BANK1: variants seen among roughly 807,000 people sequenced by gnomAD.
BANK1 encodes the protein B-cell scaffold protein with ankyrin repeats.
In BANK1, 95 loss-of-function variants were observed where a neutral mutation model predicts 94.5. The observed-to-expected ratio is 1.00, with a 90% confidence interval of 0.85 to 1.19. The LOEUF (loss-of-function observed/expected upper bound fraction) is 1.19, where lower values mean the gene tolerates loss of function less well. Among genes scored for constraint, BANK1 ranks in the 50% most tolerant of loss-of-function variants. The pLI is 0.00. For synonymous variants in BANK1, 334 were observed against 308.4 expected (o/e 1.08, Z -0.87); for missense variants, 987 against 932.2 (o/e 1.06, Z -0.77).
At chr4:101,965,221 T>C (rs986270851) in intron 7 of BANK1, among the ~76,000 whole-genome samples, 2 of 151,878 alleles carry the variant, frequency 1.3e-5, no homozygotes, top group Admixed American at 1.3e-4. Context: ...ATCTGCACTT[T>C]TACTCAAAAA....
chr4:102,042,604 T>C (rs1344680250), intron 10 of BANK1, among the ~76,000 whole-genome samples: 1 of 151,960 alleles, frequency 6.6e-6, no homozygotes, highest in East Asian at 1.9e-4. Flanking sequence ...ATGTCCTTGA[T>C]CTTATATTGG....
At chr4:102,069,690 TA>T (rs1433069455) in intron 13 of BANK1, among the ~76,000 whole-genome samples, 1 of 152,192 alleles carries the variant, frequency 6.6e-6, no homozygotes, top group Non-Finnish European at 1.5e-5. Context: ...TGGAAACAAT[TA>T]AACTGGGTTA....
rs567022422 is a variant in BANK1 at position 101,923,002 on chromosome 4, T to C, written c.1206+4813T>C. Among the ~76,000 whole-genome samples the C allele has an allele frequency of 3.3e-5, 5 of 151,968 alleles. No individual in the cohort carries two copies. In the East Asian group the frequency reaches 9.7e-4, roughly 30 times the overall value. The stretch of plus-strand genomic sequence containing the variant: ...TATTGTCAAATTTTCCATTTTCCTT[T>C]ACTCCTAGAGTCTTGGAATTCAGCC... On this transcript the variant is annotated intron_variant, in intron 7 of 16. Coordinates refer to ENST00000322953, the MANE Select transcript of BANK1 (RefSeq NM_017935.5).
chr4:101,807,122 A>G (rs956652584), intron 1 of BANK1, among the ~76,000 whole-genome samples: 1 of 152,220 alleles, frequency 6.6e-6, no homozygotes, highest in Non-Finnish European at 1.5e-5. Flanking sequence ...GGCAGTCATG[A>G]GTACAGTCCC....
At chr4:101,846,802 C>A (rs1331881425) in intron 2 of BANK1, among the ~76,000 whole-genome samples, 1 of 152,110 alleles carries the variant, frequency 6.6e-6, no homozygotes, top group East Asian at 1.9e-4. Context: ...GATTACAATT[C>A]GAGATGAGAT....
intron 11 of BANK1, among the ~76,000 whole-genome samples, chr4:102,055,594 A>C (rs1477969144): frequency 1.3e-5 from 2 of 152,098 alleles, no homozygotes; most frequent in Non-Finnish European, 2.9e-5. Flanking sequence ...AAACCTGAAA[A>C]CATCAACTAT....
At chr4:101,807,688 T>A (rs186432932) in intron 1 of BANK1, among the ~76,000 whole-genome samples, 6 of 152,270 alleles carry the variant, frequency 3.9e-5, no homozygotes, top group Non-Finnish European at 8.8e-5. Flanking sequence ...ACTGATTCCA[T>A]AGGTGGTGTT....
At chr4:101,824,322 G>T (rs1726284463) in intron 1 of BANK1, among the ~76,000 whole-genome samples, 1 of 152,186 alleles carries the variant, frequency 6.6e-6, no homozygotes, top group South Asian at 2.1e-4. Context: ...CTAAGCAGTA[G>T]CTGGTGTCCA....
chr4:101,850,618 T>C (rs1316458130), intron 2 of BANK1, among the ~76,000 whole-genome samples: 1 of 150,804 alleles, frequency 6.6e-6, no homozygotes, highest in Non-Finnish European at 1.5e-5. Context: ...AGACACTGCA[T>C]TTTTTACAAA....
chr4:102,025,451 C>G lies in BANK1; in HGVS notation c.1536C>G (p.Pro512=), dbSNP rs144768390. 2.6e-4 allele frequency: 419 copies of G among 1,614,064 alleles called. 3 individuals are homozygous for G. The highest frequency in any genetic ancestry group is 1.8e-3 in the Middle Eastern group (11 of 6,058). ...TCATGAGCAGCAGACCTCCTCTCCC[C>G]CCGCCGCGACCTGTAGCTAATGCCT... The part of the protein sequence containing the change: ...EPLMSSRPPL[P]PPRPVANAFQ... Residue 512 remains proline, a synonymous_variant, in exon 9 of 17, where the codon CCC becomes CCG. Coordinates refer to ENST00000322953, the MANE Select transcript of BANK1 (RefSeq NM_017935.5).
chr4:101,939,730 A>G (rs1372315904), intron 7 of BANK1, among the ~76,000 whole-genome samples: 2 of 151,862 alleles, frequency 1.3e-5, no homozygotes, highest in East Asian at 3.9e-4. Context: ...TCTCTGCCAC[A>G]CACAATTTGC....
chr4:101,867,840 C>T (rs927181578), intron 4 of BANK1, among the ~76,000 whole-genome samples: 1 of 151,290 alleles, frequency 6.6e-6, no homozygotes, highest in Non-Finnish European at 1.5e-5. Flanking sequence ...CTATAAAATT[C>T]TCAAGTAATT....
intron 7 of BANK1, among the ~76,000 whole-genome samples, chr4:101,983,585 A>G (rs1448270654): frequency 6.6e-6 from 1 of 152,116 alleles, no homozygotes; most frequent in South Asian, 2.1e-4. Context: ...GTTGGAAGAC[A>G]AGATTATGAA....
At chr4:101,798,114 A>C (rs1400219445) in intron 1 of BANK1, among the ~76,000 whole-genome samples, 1 of 152,200 alleles carries the variant, frequency 6.6e-6, no homozygotes, top group Non-Finnish European at 1.5e-5. Flanking sequence ...GGCAAATTGA[A>C]GCCTGAAATT....
intron 6 of BANK1, among the ~76,000 whole-genome samples, chr4:101,905,415 C>T (rs1239714463): frequency 5.3e-5 from 8 of 152,218 alleles, no homozygotes; most frequent in Non-Finnish European, 8.8e-5. Flanking sequence ...TAGAATGGGA[C>T]GGCCCCCTCA....
intron 6 of BANK1, among the ~76,000 whole-genome samples, chr4:101,913,729 C>G (rs1368667922): frequency 6.6e-6 from 1 of 152,124 alleles, no homozygotes; most frequent in African/African-American, 2.4e-5. Flanking sequence ...ACCTGAAACC[C>G]CCACCTCTCC....
At chr4:102,011,874 A>G (rs1398672228) in intron 7 of BANK1, among the ~76,000 whole-genome samples, 1 of 152,152 alleles carries the variant, frequency 6.6e-6, no homozygotes, top group Non-Finnish European at 1.5e-5. Flanking sequence ...GTCTGTATTT[A>G]GGTAAGATCT....
intron 11 of BANK1, among the ~76,000 whole-genome samples, chr4:102,053,483 T>C (rs1010494376): frequency 6.6e-6 from 1 of 152,092 alleles, no homozygotes; most frequent in Admixed American, 6.5e-5. Flanking sequence ...CCAAGTTTAT[T>C]TGAGAAAAAA....
intron 1 of BANK1, among the ~76,000 whole-genome samples, chr4:101,797,633 A>T (rs1725203031): frequency 6.6e-6 from 1 of 152,162 alleles, no homozygotes; most frequent in Non-Finnish European, 1.5e-5. Context: ...GTGAAGAATG[A>T]CACCAAGGGT....
Sources: allele counts gnomAD v4.1 joint callset (sites outside exome capture counted in the v4.1 genomes callset), GRCh38; gene constraint gnomAD v4.1.1; transcripts MANE v1.5; gene names NCBI Gene and HGNC (gene_info 2026-07-23, HGNC 2026-07-21).